GREB1L: variants seen among roughly 807,000 people sequenced by gnomAD.
GREB1L encodes GREB1-like protein.
In GREB1L, 17 loss-of-function variants were observed where a neutral mutation model predicts 200.8. That is an observed-to-expected ratio of 0.08 (90% CI 0.06 to 0.13). The LOEUF (loss-of-function observed/expected upper bound fraction) is 0.13. GREB1L is among the 10% of genes least tolerant of loss of function. The pLI is 1.00. For missense variants in GREB1L, 1,657 were observed against 2,367.7 expected, an observed-to-expected ratio of 0.70 and a Z score of 6.23; for synonymous variants, 789 against 893.0, an observed-to-expected ratio of 0.88 and a Z score of 2.08.
chr18:21,468,581 G>A (rs1019894637), intron 15 of GREB1L: 13 of 378,208 alleles, frequency 3.4e-5, no homozygotes, highest in African/African-American at 2.7e-4. Context: ...CATAGAGTTC[G>A]CTAAACCCTT....
chr18:21,520,106 T>G (rs1471812214), intron 31 of GREB1L, among the ~76,000 whole-genome samples: 1 of 152,082 alleles, frequency 6.6e-6, no homozygotes, highest in African/African-American at 2.4e-5. Context: ...CTGGCTAATT[T>G]TTTTTGTATT....
chr18:21,297,685 T>A (rs139790756), intron 1 of GREB1L, among the ~76,000 whole-genome samples: 10 of 152,198 alleles, frequency 6.6e-5, no homozygotes, highest in African/African-American at 2.4e-4. Context: ...AGCACTTATA[T>A]ACCATTCCCA....
chr18:21,443,264 G>A (rs181958363), intron 10 of GREB1L, among the ~76,000 whole-genome samples: 60 of 151,514 alleles, frequency 4.0e-4, no homozygotes, highest in Admixed American at 3.3e-3. Flanking sequence ...GTGCAGTGGC[G>A]CGATCTCGGC....
At chr18:21,449,408 TATGTATG>T (rs1251226517) in intron 11 of GREB1L, 95 bp from the exon 12 acceptor site, 1 of 642,422 alleles carries the variant, frequency 1.6e-6, no homozygotes, top group Non-Finnish European at 2.6e-6. Flanking sequence ...CTAGTTGGAG[TATGTATG>T]ATGGGCTGAG....
intron 11 of GREB1L, among the ~76,000 whole-genome samples, chr18:21,447,941 A>T (rs561019037): frequency 6.6e-6 from 1 of 152,198 alleles, no homozygotes; most frequent in Non-Finnish European, 1.5e-5. Context: ...AATAGGGTGG[A>T]TACTTGAGGT....
chr18:21,249,178 G>A (rs1434792470), intron 1 of GREB1L, among the ~76,000 whole-genome samples: 1 of 151,896 alleles, frequency 6.6e-6, no homozygotes, highest in Admixed American at 6.6e-5. Context: ...TTAGTTACAA[G>A]GGGTTTGGGG....
intron 7 of GREB1L, among the ~76,000 whole-genome samples, chr18:21,407,706 A>C (rs548095627): frequency 1.3e-5 from 2 of 152,102 alleles, no homozygotes; most frequent in Non-Finnish European, 2.9e-5. Flanking sequence ...ACCTCATCAA[A>C]ATTCAAAACT....
intron 1 of GREB1L, among the ~76,000 whole-genome samples, chr18:21,304,107 G>T (rs1394831756): frequency 6.6e-6 from 1 of 152,150 alleles, no homozygotes; most frequent in Admixed American, 6.5e-5. Flanking sequence ...CCTCTTCTTA[G>T]ATATCATCTG....
rs116421353 is a variant in GREB1L at position 21,335,079 on chromosome 18, C to A, written c.-119-30948C>A. Among the ~76,000 whole-genome samples the A allele has an allele frequency of 2.5e-3, 374 of 152,220 alleles. 4 individuals carry two copies. Among genetic ancestry groups the A allele is most frequent in the African/African-American group, 8.5e-3 (354 of 41,546 alleles). ...CCCTTGCTAAATTGTTCTGGCAGTA[C>A]ATAAAAGTGGGTCATTTGTACCTAA... is the stretch of plus-strand genomic sequence containing the variant. On this transcript the variant is annotated intron_variant, in intron 1 of 32. Transcript: ENST00000424526.
chr18:21,449,947 T>G, intron 12 of GREB1L, 111 bp downstream of exon 12: 1 of 826,388 alleles, frequency 1.2e-6, no homozygotes, highest in Non-Finnish European at 1.8e-6. Flanking sequence ...CTCTGATTAA[T>G]TGCTGGAGCT....
In GREB1L at chr18:21,383,678, A is replaced by G; in HGVS notation, c.157+3A>G. 6.5e-7 allele frequency: 1 copy of G among 1,548,464 alleles called. No individual in the cohort carries two copies. Among genetic ancestry groups the G allele is most frequent in the Non-Finnish European group, 8.7e-7 (1 of 1,145,942 alleles). ...CCAGCATCCTTTCTCATCTGCAGGT[A>G]AGTTTCTCAATCACACACATTTCTG... On this transcript the variant is annotated splice_donor_region_variant and intron_variant, in intron 3 of 32. Transcript: ENST00000424526.
chr18:21,500,117 C>G lies in GREB1L; in HGVS notation c.3780C>G (p.Ala1260=), dbSNP rs559257103. 7 of 1,551,714 alleles carry G rather than the reference C, an allele frequency of 4.5e-6. No individual in the cohort carries two copies. The highest frequency in any genetic ancestry group is 6.1e-6 in the Non-Finnish European group (7 of 1,147,026). ...LPSSSSLLPH[A]DVAWVSSLRP... The stretch of plus-strand genomic sequence containing the variant: ...CCTCCTCCTCCCTGCTGCCCCACGC[C>G]GACGTGGCCTGGGTGAGCTCCCTGC... Residue 1260 remains alanine (A), a synonymous_variant, in exon 22 of 33, where the codon GCC becomes GCG. Transcript: ENST00000424526.
Position 21,262,182 on chromosome 18 carries a change from G to A in GREB1L, c.-120+19789G>A, listed in dbSNP as rs184001326. Among the ~76,000 whole-genome samples the A allele has an allele frequency of 3.4e-3, 518 of 152,174 alleles. 2 individuals are homozygous for A. Among genetic ancestry groups the A allele is most frequent in the African/African-American group, 0.012 (498 of 41,546 alleles). On this transcript the variant is annotated intron_variant, in intron 1 of 32. Coordinates refer to ENST00000424526, the MANE Select transcript of GREB1L (RefSeq NM_001142966.3). Reference sequence around the variant, plus strand: ...CTAGCATTTTTCTCCTGTTTACTCCGTGATTCCAGAATAATATGTAGGGGT... The same window carrying A: ...CTAGCATTTTTCTCCTGTTTACTCCATGATTCCAGAATAATATGTAGGGGT...
chr18:21,499,547 A>G (rs1435608890), intron 21 of GREB1L, among the ~76,000 whole-genome samples, 182 bp from the exon 22 acceptor site: 1 of 152,192 alleles, frequency 6.6e-6, no homozygotes, highest in Non-Finnish European at 1.5e-5. Context: ...ACCAACTGAG[A>G]AGCCAGGGCA....
intron 1 of GREB1L, among the ~76,000 whole-genome samples, chr18:21,330,151 T>C (rs1366740284): frequency 6.6e-6 from 1 of 152,186 alleles, no homozygotes; most frequent in Non-Finnish European, 1.5e-5. Context: ...GCAGGTCAGC[T>C]GGAGAAGAAG....
chr18:21,493,232 T>C (rs561671941), intron 19 of GREB1L, among the ~76,000 whole-genome samples: 1 of 152,358 alleles, frequency 6.6e-6, no homozygotes, highest in Non-Finnish European at 1.5e-5. Flanking sequence ...TTTTTGTGCT[T>C]ACCCCTAATT....
At chr18:21,436,442 C>T (rs1315574898) in intron 7 of GREB1L, among the ~76,000 whole-genome samples, 1 of 151,934 alleles carries the variant, frequency 6.6e-6, no homozygotes, top group Admixed American at 6.6e-5. Context: ...CAGACCAGCC[C>T]AGGTTACAAA....
chr18:21,454,921 A>G (rs1267600085), intron 15 of GREB1L: 1 of 331,026 alleles, frequency 3.0e-6, no homozygotes, highest in Admixed American at 4.5e-5. Flanking sequence ...TCCCACCTGC[A>G]GGCCTCATTT....
chr18:21,376,125 T>A (rs1289616480), intron 2 of GREB1L, among the ~76,000 whole-genome samples: 4 of 152,244 alleles, frequency 2.6e-5, no homozygotes, highest in South Asian at 2.1e-4. Context: ...TATACTTTTT[T>A]AAAATTTTTT....
Sources: gnomAD v4.1 joint callset for allele counts (sites outside exome capture counted in the v4.1 genomes callset) on GRCh38, gnomAD v4.1.1 for gene constraint, MANE v1.5 for transcripts, NCBI Gene and HGNC (gene_info 2026-07-23, HGNC 2026-07-21) for gene names.